FAM163A: variants seen among roughly 807,000 people sequenced by gnomAD.
FAM163A encodes protein FAM163A.
Under a neutral mutation model 12.0 loss-of-function variants are expected in FAM163A, and 7 were observed. That is an observed-to-expected ratio of 0.58 (90% CI 0.33 to 1.10). The LOEUF (loss-of-function observed/expected upper bound fraction) is 1.10. Ranked by LOEUF, FAM163A falls within the 50% of genes least tolerant of loss-of-function variation. The probability of loss-of-function intolerance (pLI) is 0.03; values close to 1 mark genes in which losing one functional copy is unlikely to be tolerated. For missense variants in FAM163A, 202 were observed against 218.6 expected, an observed-to-expected ratio of 0.92 and a Z score of 0.48; for synonymous variants, 101 against 91.0, an observed-to-expected ratio of 1.11 and a Z score of -0.62.
chr1:179,732,942 G>A, the FAM163A span, among the ~76,000 whole-genome samples: 239 of 149,362 alleles, frequency 1.6e-3, no homozygotes, highest in African/African-American at 5.6e-3. Flanking sequence ...ATGCATCAGC[G>A]GTTCTGGAGA....
chr1:179,786,565 C>T (rs942575896), intron 1 of FAM163A, among the ~76,000 whole-genome samples: 3 of 152,242 alleles, frequency 2.0e-5, no homozygotes, highest in Non-Finnish European at 4.4e-5. Flanking sequence ...ATACCAGCCA[C>T]GTGTGTGTAG....
the FAM163A span, among the ~76,000 whole-genome samples, chr1:179,733,811 T>TG: frequency 2.6e-5 from 4 of 152,216 alleles, no homozygotes; most frequent in African/African-American, 9.6e-5. Flanking sequence ...GCTGAAGGCT[T>TG]GGGAGAAGGT....
intron 1 of FAM163A, among the ~76,000 whole-genome samples, chr1:179,749,054 T>C (rs985856146): frequency 7.9e-5 from 12 of 152,218 alleles, no homozygotes; most frequent in African/African-American, 2.7e-4. Flanking sequence ...ATCCAGCTAC[T>C]GTGTCACTGT....
At chr1:179,780,831 G>A (rs1206983013) in intron 1 of FAM163A, among the ~76,000 whole-genome samples, 1 of 152,204 alleles carries the variant, frequency 6.6e-6, no homozygotes, top group Admixed American at 6.5e-5. Context: ...ATGCTACCTA[G>A]TTACATCAGC....
In FAM163A at chr1:179,743,846, C is replaced by T. The variant is rs190340231; in HGVS notation, c.-136+423C>T. Among the ~76,000 whole-genome samples, 463 of 152,258 alleles carry T rather than the reference C, an allele frequency of 3.0e-3. 2 individuals are homozygous for T. Among genetic ancestry groups the T allele is most frequent in the African/African-American group, 0.011 (444 of 41,578 alleles). Reference sequence around the variant, plus strand: ...CGACCCGCTTCTCTGCGCTTTCAGCCGGGCCGGACCTCACGCGGACGCCGC... The same window carrying T: ...CGACCCGCTTCTCTGCGCTTTCAGCTGGGCCGGACCTCACGCGGACGCCGC... On this transcript the variant is annotated intron_variant, in intron 1 of 4. Coordinates refer to ENST00000341785, the MANE Select transcript of FAM163A (RefSeq NM_173509.3).
At chr1:179,758,376 T>A (rs1686324987) in intron 1 of FAM163A, among the ~76,000 whole-genome samples, 1 of 152,234 alleles carries the variant, frequency 6.6e-6, no homozygotes, top group Non-Finnish European at 1.5e-5. Flanking sequence ...TTTTTCTTTC[T>A]GTCTCTATTA....
At chr1:179,799,785 C>A (rs1692901324) in intron 1 of FAM163A, among the ~76,000 whole-genome samples, 1 of 152,220 alleles carries the variant, frequency 6.6e-6, no homozygotes, top group African/African-American at 2.4e-5. Context: ...GTGATCAGAA[C>A]TTCAGGAGCT....
In FAM163A at chr1:179,815,095, ACGCGCGCG is replaced by A. The variant is rs3075114; in HGVS notation, c.*914_*921del. ...TGCATAACCGTTCCCAGGTGTACGC[ACGCGCGCG>A]CGCGCGCACAGACACACACACACAC... On this transcript the variant is annotated 3_prime_UTR_variant, in exon 5 of 5. Coordinates refer to ENST00000341785, the MANE Select transcript of FAM163A (RefSeq NM_173509.3). 1.5e-5 allele frequency: 2 copies of A among 129,100 alleles called. No homozygotes were observed. The highest frequency in any genetic ancestry group is 3.6e-5 in the African/African-American group (1 of 27,530). The allele number at this position is 129,100 out of a possible 1,614,324, so 8.0% of individuals were successfully genotyped here. A position where few individuals can be genotyped will look rare whatever the true frequency, so the allele number is the denominator to read the frequency against.
At chr1:179,761,049 G>A (rs1686744780) in intron 1 of FAM163A, among the ~76,000 whole-genome samples, 2 of 152,072 alleles carry the variant, frequency 1.3e-5, no homozygotes, top group South Asian at 4.1e-4. Flanking sequence ...TTCATAATAG[G>A]GGATTTGTTT....
chr1:179,743,759 C>A (rs868606033), intron 1 of FAM163A, among the ~76,000 whole-genome samples: 1 of 152,140 alleles, frequency 6.6e-6, no homozygotes, highest in Non-Finnish European at 1.5e-5. Flanking sequence ...GCCTCGGGGC[C>A]GGACTTGCCG....
chr1:179,769,837 C>T (rs565901753), intron 1 of FAM163A, among the ~76,000 whole-genome samples: 4 of 148,554 alleles, frequency 2.7e-5, no homozygotes, highest in East Asian at 4.1e-4. Flanking sequence ...GGCCACATCA[C>T]AAAGTAAATA....
rs141470963 is a variant in FAM163A at position 179,769,675 on chromosome 1, G to A, written c.-136+26252G>A. On this transcript the variant is annotated intron_variant, in intron 1 of 4. Coordinates refer to ENST00000341785, the MANE Select transcript of FAM163A (RefSeq NM_173509.3). ...GGCACCAGCAGATGTATGTAGCCCC[G>A]TGGCAGAGGTGGCAGTGGCATGAGG... Among the ~76,000 whole-genome samples, 950 of 152,190 alleles carry A rather than the reference G, an allele frequency of 6.2e-3. 5 individuals are homozygous for A. The highest frequency in any genetic ancestry group is 0.011 in the Non-Finnish European group (722 of 68,002).
chr1:179,798,955 G>C (rs911409424), intron 1 of FAM163A, among the ~76,000 whole-genome samples: 1 of 152,070 alleles, frequency 6.6e-6, no homozygotes, highest in Non-Finnish European at 1.5e-5. Flanking sequence ...GAGGACTCTG[G>C]GCTCCATGGC....
At chr1:179,762,310 A>T (rs1335847251) in intron 1 of FAM163A, among the ~76,000 whole-genome samples, 1 of 152,194 alleles carries the variant, frequency 6.6e-6, no homozygotes, top group East Asian at 1.9e-4. Context: ...ATGGGAGTAA[A>T]CATCAGGAGA....
At chr1:179,811,523 G>T (rs1283527482) in intron 2 of FAM163A, among the ~76,000 whole-genome samples, 1 of 152,184 alleles carries the variant, frequency 6.6e-6, no homozygotes. Flanking sequence ...GCCTGTGGGG[G>T]GCCTGAGATG....
At position 179,765,970 on chromosome 1, in the gene FAM163A, A is replaced by G. The variant is rs968658451; in HGVS notation, c.-136+22547A>G. Among the ~76,000 whole-genome samples the G allele has an allele frequency of 5.9e-5, 9 of 152,160 alleles. No homozygotes were observed. The South Asian group carries it at 6.2e-4, about 11-fold the overall frequency. On this transcript the variant is annotated intron_variant, in intron 1 of 4. Coordinates refer to ENST00000341785, the MANE Select transcript of FAM163A (RefSeq NM_173509.3). ...GGAGGGATCTGATACTTTCTCAGCC[A>G]CCTTGGAAGGGCTCTTACAGCTCCA...
chr1:179,778,265 C>G lies in FAM163A; in HGVS notation c.-135-29533C>G, dbSNP rs146466527. 5.5e-3 allele frequency among the ~76,000 whole-genome samples: 830 copies of G among 152,258 alleles called. 2 individuals are homozygous for G. The highest frequency in any genetic ancestry group is 8.6e-3 in the Non-Finnish European group (585 of 68,016). On this transcript the variant is annotated intron_variant, in intron 1 of 4. Coordinates refer to ENST00000341785, the MANE Select transcript of FAM163A (RefSeq NM_173509.3). ...ATCACGAGGAGGCCAGAGCAGCCTC[C>G]TTACACCCCATATCCCTGACTCCAA... is the stretch of plus-strand genomic sequence containing the variant.
At position 179,807,792 on chromosome 1, in the gene FAM163A, T is replaced by C. The variant is rs1037555280; in HGVS notation, c.-135-6T>C. The stretch of plus-strand genomic sequence containing the variant: ...CTCATGAGCCTTTCCTTCTCTTCTC[T>C]GGCAGGGACTGATGCCCTTGGCCAG... On this transcript the variant is annotated splice_region_variant and splice_polypyrimidine_tract_variant and intron_variant, in intron 1 of 4. Transcript: ENST00000341785. The C allele has an allele frequency of 3.3e-5, 5 of 152,342 alleles. No individual in the cohort carries two copies. Among genetic ancestry groups the C allele is most frequent in the Non-Finnish European group, 5.9e-5 (4 of 68,126 alleles). The allele number at this position is 152,342 out of a possible 1,614,324, so 9.4% of individuals were successfully genotyped here.
At position 179,791,206 on chromosome 1, in the gene FAM163A, C is replaced by G. The variant is rs184748643; in HGVS notation, c.-135-16592C>G. 2.4e-3 allele frequency among the ~76,000 whole-genome samples: 372 copies of G among 152,292 alleles called. 2 individuals are homozygous for G. Among genetic ancestry groups the G allele is most frequent in the African/African-American group, 7.7e-3 (319 of 41,570 alleles). ...CAAGGAACCTAACGTTATGAGACTT[C>G]AGTGTCGGCAGTAACACTGCCGACT... On this transcript the variant is annotated intron_variant, in intron 1 of 4. Coordinates refer to ENST00000341785, the MANE Select transcript of FAM163A (RefSeq NM_173509.3).
Sources: allele counts gnomAD v4.1 joint callset (sites outside exome capture counted in the v4.1 genomes callset), GRCh38; gene constraint gnomAD v4.1.1; transcripts MANE v1.5; gene names NCBI Gene and HGNC (gene_info 2026-07-23, HGNC 2026-07-21).